Variants in GREB1 observed in about 807,000 individuals in gnomAD.
GREB1 encodes the protein protein GREB1.
GREB1 carries 106 observed loss-of-function variants against 200.7 expected under a neutral mutation model. The ratio of observed to expected loss-of-function variants is 0.53; its 90% CI spans 0.45 to 0.62. The LOEUF (loss-of-function observed/expected upper bound fraction) is 0.62. GREB1 is among the 20% of genes least tolerant of loss of function. The pLI is 0.00. For synonymous variants in GREB1, 1,132 were observed against 1,092.4 expected (o/e 1.04, Z -0.72); for missense variants, 2,243 against 2,556.8 (o/e 0.88, Z 2.65).
intron 7 of GREB1, among the ~76,000 whole-genome samples, chr2:11,582,888 G>A (rs1422857001): frequency 2.0e-5 from 3 of 152,228 alleles, no homozygotes; most frequent in African/African-American, 7.2e-5. Context: ...ATGGAGAAGT[G>A]CTGCCCCCTG....
At chr2:11,500,816 G>C (rs947332424) in intron 1 of GREB1, among the ~76,000 whole-genome samples, 15 of 152,206 alleles carry the variant, frequency 9.9e-5, no homozygotes, top group African/African-American at 3.6e-4. Flanking sequence ...GGAATGGTAA[G>C]ATTCCCAACC....
intron 1 of GREB1, among the ~76,000 whole-genome samples, chr2:11,539,479 C>T (rs1295269255): frequency 1.3e-5 from 2 of 152,318 alleles, no homozygotes; most frequent in East Asian, 1.9e-4. Context: ...CTTAGGTCCA[C>T]GCTACCTGTA....
intron 11 of GREB1, among the ~76,000 whole-genome samples, chr2:11,594,869 T>C (rs1371537883): frequency 6.6e-6 from 1 of 152,184 alleles, no homozygotes; most frequent in Non-Finnish European, 1.5e-5. Context: ...AATTTTTTTG[T>C]ATTTTTAGTA....
At chr2:11,564,484 G>C (rs1009483529) in intron 3 of GREB1, among the ~76,000 whole-genome samples, 1 of 152,192 alleles carries the variant, frequency 6.6e-6, no homozygotes, top group African/African-American at 2.4e-5. Flanking sequence ...TTTGAGGCCA[G>C]CCTGGGCAAC....
chr2:11,573,052 G>A (rs1313993682), intron 4 of GREB1, among the ~76,000 whole-genome samples: 1 of 152,184 alleles, frequency 6.6e-6, no homozygotes, highest in Non-Finnish European at 1.5e-5. Flanking sequence ...GACGGGGAAA[G>A]CAAAGCTCAG....
intron 24 of GREB1, among the ~76,000 whole-genome samples, chr2:11,625,661 G>C (rs1047171024): frequency 6.6e-6 from 1 of 152,080 alleles, no homozygotes; most frequent in Non-Finnish European, 1.5e-5. Context: ...CTCCTCCCCC[G>C]GTGTCTTGAT....
At chr2:11,596,625 AG>A (rs1462373287) in intron 13 of GREB1, among the ~76,000 whole-genome samples, 2 of 39,128 alleles carry the variant, frequency 5.1e-5, no homozygotes, top group Non-Finnish European at 9.0e-5. Flanking sequence ...GTACAGTAAG[AG>A]GGGGCGGGGC....
At position 11,640,227 on chromosome 2, in the gene GREB1, C is replaced by A; in HGVS notation, c.5687-64C>A. ...CTTGTCATTGCAAGTAGAATCCGGG[C>A]AGCCGCTTTCCTCTGGATAAACTCA... On this transcript the variant is annotated intron_variant, in intron 32 of 32. Transcript: ENST00000381486. This position sits in a 1 kb window ranked among gnomAD's most constrained non-coding sequence, Gnocchi z 4.6. 1 of 1,502,326 alleles carries A rather than the reference C, an allele frequency of 6.7e-7. No individual in the cohort carries two copies. Among genetic ancestry groups the A allele is most frequent in the Non-Finnish European group, 9.0e-7 (1 of 1,110,816 alleles). 93.1% of individuals were successfully genotyped at this position (1,502,326 alleles called of 1,614,324 possible). A position where few individuals can be genotyped will look rare whatever the true frequency, so the allele number is the denominator to read the frequency against.
intron 23 of GREB1, among the ~76,000 whole-genome samples, chr2:11,622,985 G>T (rs1684131716): frequency 1.3e-5 from 2 of 152,226 alleles, no homozygotes; most frequent in South Asian, 4.1e-4. Context: ...CAAGAGCCTT[G>T]CAGATACAAT....
At chr2:11,591,422 T>C (rs139036991) in intron 10 of GREB1, 3 of 728,430 alleles carry the variant, frequency 4.1e-6, no homozygotes, top group Non-Finnish European at 7.7e-6. Flanking sequence ...TCCGGACGTA[T>C]AAACCAGACA....
chr2:11,489,146 A>G (rs4669734), intron 1 of GREB1, among the ~76,000 whole-genome samples: 141,111 of 152,138 alleles, frequency 0.93, 66,387 homozygotes, highest in Non-Finnish European at 1. Flanking sequence ...CAATTAGAGA[A>G]CAATTAAGAA....
chr2:11,615,141 G>C lies in GREB1; in HGVS notation c.3173G>C (p.Arg1058Thr). The C allele has an allele frequency of 6.2e-7, 1 of 1,614,166 alleles. No individual in the cohort carries two copies. Among genetic ancestry groups the C allele is most frequent in the Non-Finnish European group, 8.5e-7 (1 of 1,179,998 alleles). ...LRLINSSCLV[R>T]TALEQELGLA... ...TTGATAAACTCCTCCTGCTTGGTGA[G>C]AACAGCCTTGGAGCAGGAGCTGGGC... is the stretch of plus-strand genomic sequence containing the variant. Residue 1058 changes from arginine to threonine, a missense_variant, in exon 20 of 33, where the codon AGA (arginine) becomes ACA (threonine). This residue lies in a region of GREB1 where 1,178 missense variants were observed against 1,387.4 expected (regional missense o/e 0.85). Coordinates refer to ENST00000381486, the MANE Select transcript of GREB1 (RefSeq NM_014668.4).
In GREB1 at chr2:11,585,173, A is replaced by C. The variant is rs767870782; in HGVS notation, c.914A>C (p.Asn305Thr). 2 of 1,567,906 alleles carry C rather than the reference A, an allele frequency of 1.3e-6. No homozygotes were observed. The highest frequency in any genetic ancestry group is 1.7e-4 in the Middle Eastern group (1 of 5,872). Reference sequence around the variant, plus strand: ...GAATATTGTCTAGGTATCTTGTCAAACTCCGGGCCCCCCAAAAAACGCCAC... The same window carrying C: ...GAATATTGTCTAGGTATCTTGTCAACCTCCGGGCCCCCCAAAAAACGCCAC... ...PRPSALGILS[N>T]SGPPKKRHKG... is the part of the protein sequence containing the mutation. Residue 305 changes from asparagine (N) to threonine (T), a missense_variant, in exon 8 of 33, where the codon AAC becomes ACC. Asn to Thr is a moderately conservative substitution (Grantham distance 65, BLOSUM62 0). Coordinates refer to ENST00000381486, the MANE Select transcript of GREB1 (RefSeq NM_014668.4).
intron 1 of GREB1, among the ~76,000 whole-genome samples, chr2:11,495,737 C>T (rs116744026): frequency 0.035 from 5,240 of 151,460 alleles, 314 homozygotes; most frequent in African/African-American, 0.12. Context: ...GGCCCGGGTC[C>T]GAGCGCCTAG....
intron 1 of GREB1, chr2:11,542,628 C>CGGGG (rs60551961): frequency 7.7e-6 from 1 of 129,762 alleles, no homozygotes; most frequent in African/African-American, 3.1e-5. Context: ...AGTGCTGGGG[C>CGGGG]GGGGGGAGGG....
Position 11,556,600 on chromosome 2 carries a change from T to A in GREB1, c.-15T>A. 6.2e-7 allele frequency: 1 copy of A among 1,602,770 alleles called. No individual in the cohort carries two copies. The highest frequency in any genetic ancestry group is 8.5e-7 in the Non-Finnish European group (1 of 1,172,560). ...TGAGATGCCATTTTAAACAGAAGAC[T>A]CCATCCTCTTGAAGATGGGAAATTC... On this transcript the variant is annotated 5_prime_UTR_variant, in exon 2 of 33. Transcript: ENST00000381486.
intron 1 of GREB1, among the ~76,000 whole-genome samples, chr2:11,517,076 C>G (rs1287409519): frequency 6.6e-6 from 1 of 152,218 alleles, no homozygotes; most frequent in Non-Finnish European, 1.5e-5. Context: ...GGAAGGTTCC[C>G]TGGTGTGAGC....
At chr2:11,601,913 C>T (rs1405473384) in intron 16 of GREB1, among the ~76,000 whole-genome samples, 2 of 152,218 alleles carry the variant, frequency 1.3e-5, no homozygotes, top group East Asian at 3.8e-4. Context: ...AACCACTGTG[C>T]TATTTAGGAG....
chr2:11,626,322 T>A (rs188332219), intron 24 of GREB1, among the ~76,000 whole-genome samples: 4 of 152,216 alleles, frequency 2.6e-5, no homozygotes, highest in African/African-American at 9.6e-5. Flanking sequence ...GTGTGGTGGC[T>A]CACGCCTGTA....
Sources: gnomAD v4.1 joint callset for allele counts (sites outside exome capture counted in the v4.1 genomes callset) on GRCh38, gnomAD v4.1.1 for gene constraint, gnomAD v4.1.1 regional missense constraint, Gnocchi (gnomAD v3.1) non-coding constraint, MANE v1.5 for transcripts, NCBI Gene and HGNC (gene_info 2026-07-23, HGNC 2026-07-21) for gene names.